BIRC6: variants seen among roughly 807,000 people sequenced by gnomAD.
BIRC6 encodes the protein baculoviral IAP repeat containing 6, also known as dual E2 ubiquitin-conjugating enzyme/E3 ubiquitin-protein ligase BIRC6.
BIRC6 carries 98 observed loss-of-function variants against 503.3 expected under a neutral mutation model. The observed-to-expected ratio is 0.19, with a 90% confidence interval of 0.17 to 0.23. BIRC6 has a LOEUF of 0.23. BIRC6 is among the 10% of genes least tolerant of loss of function. The pLI, the probability that BIRC6 is intolerant of heterozygous loss-of-function variation, is 1.00. For synonymous variants in BIRC6, 2,240 were observed against 2,078.7 expected (o/e 1.08, Z -2.11); for missense variants, 5,360 against 5,806.0 (o/e 0.92, Z 2.50).
Position 32,515,262 on chromosome 2 carries a change from C to G in BIRC6, c.10841C>G (p.Ala3614Gly). 2 of 1,613,874 alleles carry G rather than the reference C, an allele frequency of 1.2e-6. No homozygotes were observed. Among genetic ancestry groups the G allele is most frequent in the South Asian group, 2.2e-5 (2 of 91,084 alleles). ...ACTGAATCACATTTGGCTACCCTTG[C>G]TTCCTCTTCTCAATCTCCTGAAGCT... ...ALTESHLATL[A>G]SSSQSPEAIK... Residue 3614 changes from alanine (A) to glycine (G), a missense_variant, in exon 55 of 74, where the codon GCT (alanine) becomes GGT (glycine). Ala to Gly is a moderately conservative substitution (Grantham distance 60). This residue lies in a region of BIRC6 where 878 missense variants were observed against 928.9 expected (regional missense o/e 0.95). Transcript: ENST00000421745.
chr2:32,608,132 C>T (rs1317801287), intron 72 of BIRC6, among the ~76,000 whole-genome samples: 1 of 148,852 alleles, frequency 6.7e-6, no homozygotes, highest in Non-Finnish European at 1.5e-5. Context: ...CCCATCTCTG[C>T]AAAAAGTTTA....
rs1268113261 is a variant in BIRC6, at chr2:32,547,865, T to G, written c.12826T>G (p.Ser4276Ala). 2 of 1,576,462 alleles carry G rather than the reference T, an allele frequency of 1.3e-6. No individual in the cohort carries two copies. The highest frequency in any genetic ancestry group is 4.5e-5 in the East Asian group (2 of 44,012). Residue 4276 changes from serine (S) to alanine (A), a missense_variant, in exon 64 of 74, where the codon TCT becomes GCT. Ser to Ala is a moderately conservative substitution (Grantham distance 99). Coordinates refer to ENST00000421745, the MANE Select transcript of BIRC6 (RefSeq NM_016252.4). ...TTATTTTAAGCCACAGGTGTCAAGC[T>G]CTCATAACCCTACATCAACAGAAGA... Reference protein sequence around the residue: ...VNQTEPQVSSSHNPTSTEEQQ... With the variant: ...VNQTEPQVSSAHNPTSTEEQQ...
At chr2:32,579,667 C>T (rs897859320) in intron 66 of BIRC6, among the ~76,000 whole-genome samples, 17 of 151,550 alleles carry the variant, frequency 1.1e-4, no homozygotes, top group Admixed American at 7.9e-4. Flanking sequence ...CTATCCTGGG[C>T]GACAGAGTGA....
chr2:32,489,618 C>T (rs1334653017), intron 42 of BIRC6, among the ~76,000 whole-genome samples: 23 of 152,086 alleles, frequency 1.5e-4, no homozygotes, highest in Non-Finnish European at 3.4e-4. Context: ...TTTAGACCAG[C>T]CTGGCCAACA....
intron 9 of BIRC6, among the ~76,000 whole-genome samples, chr2:32,413,808 G>T (rs2042146210): frequency 6.6e-6 from 1 of 151,928 alleles, no homozygotes; most frequent in Admixed American, 6.6e-5. Context: ...GTATAAAATG[G>T]TATAGTTTTG....
chr2:32,568,343 A>G (rs950496175), intron 65 of BIRC6, among the ~76,000 whole-genome samples: 7 of 151,456 alleles, frequency 4.6e-5, no homozygotes, highest in African/African-American at 1.7e-4. Context: ...AATAGAAAAA[A>G]TTAACTGGAC....
At chr2:32,591,164 C>T (rs1023521397) in intron 66 of BIRC6, among the ~76,000 whole-genome samples, 11 of 151,930 alleles carry the variant, frequency 7.2e-5, no homozygotes, top group Admixed American at 1.3e-4. Flanking sequence ...TTCTTTTTTT[C>T]GGTGTGTTTT....
intron 71 of BIRC6, among the ~76,000 whole-genome samples, chr2:32,605,950 G>A (rs1021265866): frequency 2.0e-5 from 3 of 152,218 alleles, no homozygotes. Flanking sequence ...CTTGGCATCA[G>A]TATGGTCACT....
Position 32,415,656 on chromosome 2 carries a change from G to C in BIRC6, c.2365G>C (p.Ala789Pro), listed in dbSNP as rs1436663099. Reference protein sequence around the residue: ...RRKGELESNLAVVNGANISVI... With the variant: ...RRKGELESNLPVVNGANISVI... ...GAAAGGTGAGCTGGAATCAAATCTT[G>C]CTGTAGTGAATGGTGCAAATATTAG... The change falls in exon 10 of 74, where the codon GCT (alanine) becomes CCT (proline). Residue 789 changes from alanine to proline, a missense_variant. By Grantham distance (27) the Ala-to-Pro change is conservative. This residue lies in a region of BIRC6 where 700 missense variants were observed against 739.3 expected (regional missense o/e 0.95). Transcript: ENST00000421745. The C allele has an allele frequency of 6.2e-7, 1 of 1,613,968 alleles. No homozygotes were observed.
Position 32,470,217 on chromosome 2 carries a change from G to A in BIRC6, c.6397G>A (p.Gly2133Arg). 6.4e-7 allele frequency: 1 copy of A among 1,572,570 alleles called. No homozygotes were observed. The change falls in exon 31 of 74, where the codon GGA becomes AGA. Residue 2133 changes from glycine (G) to arginine (R), a missense_variant. Coordinates refer to ENST00000421745, the MANE Select transcript of BIRC6 (RefSeq NM_016252.4). ...CIGQRSLSNS[G>R]VLESLLNLLD... The stretch of plus-strand genomic sequence containing the variant: ...TGGTCAAAGATCACTTAGTAATAGT[G>A]GAGTATTAGAAAGCTTACTTAATCT...
chr2:32,477,499 T>C lies in BIRC6; in HGVS notation c.6984T>C (p.Cys2328=). ...CATTTACTCTGGCCCATGAGCGTTG[T>C]ATCTCAGTAGTCCAGAAACTTGTTC... The part of the protein sequence containing the change: ...PLPFTLAHER[C]ISVVQKLVLF... The change falls in exon 35 of 74, where the codon TGT becomes TGC. Residue 2328 remains cysteine, a synonymous_variant. Transcript: ENST00000421745. 2 of 1,613,994 alleles carry C rather than the reference T, an allele frequency of 1.2e-6. No homozygotes were observed. Among genetic ancestry groups the C allele is most frequent in the Non-Finnish European group, 1.7e-6 (2 of 1,179,872 alleles).
At chr2:32,358,014 G>C (rs1298934239) in intron 1 of BIRC6, among the ~76,000 whole-genome samples, 1 of 126,124 alleles carries the variant, frequency 7.9e-6, no homozygotes, top group Non-Finnish European at 1.7e-5. Context: ...ACCGCGGGCT[G>C]TGCGCCCAGC....
intron 64 of BIRC6, among the ~76,000 whole-genome samples, chr2:32,548,277 C>T (rs1180475649): frequency 6.7e-6 from 1 of 148,332 alleles, no homozygotes; most frequent in Non-Finnish European, 1.5e-5. Context: ...GATGCATCTT[C>T]CTACAGGCAT....
intron 65 of BIRC6, among the ~76,000 whole-genome samples, chr2:32,566,608 C>T (rs912251381): frequency 5.9e-5 from 9 of 152,172 alleles, no homozygotes; most frequent in African/African-American, 2.2e-4. Flanking sequence ...TCTGCCCCAG[C>T]CTTCCAAATC....
chr2:32,432,007 A>G (rs954553336), intron 12 of BIRC6, among the ~76,000 whole-genome samples: 17 of 152,240 alleles, frequency 1.1e-4, no homozygotes, highest in African/African-American at 4.1e-4. Flanking sequence ...CTTCCATGAT[A>G]ATAGCAATAC....
chr2:32,525,799 A>G (rs928168725), intron 59 of BIRC6, among the ~76,000 whole-genome samples, 171 bp downstream of exon 59: 8 of 152,206 alleles, frequency 5.3e-5, no homozygotes, highest in Non-Finnish European at 1.0e-4. Context: ...GCAAAGGAGG[A>G]GTAATCTATT....
chr2:32,484,563 A>AAAG (rs1553459119), intron 39 of BIRC6, among the ~76,000 whole-genome samples: 2 of 150,842 alleles, frequency 1.3e-5, no homozygotes, highest in South Asian at 2.1e-4. Flanking sequence ...AAAAAAAAAA[A>AAAG]AAAGAAAGAA....
At chr2:32,558,729 C>T (rs1473360770) in intron 65 of BIRC6, 1 of 152,176 alleles carries the variant, frequency 6.6e-6, no homozygotes. Context: ...AACCTTTTCT[C>T]TTCACGGAGG....
chr2:32,501,121 A>T (rs923182466), intron 46 of BIRC6, among the ~76,000 whole-genome samples: 6 of 152,216 alleles, frequency 3.9e-5, no homozygotes, highest in African/African-American at 1.2e-4. Context: ...TTGGAATGTT[A>T]ATACATTACA....
Sources: gnomAD v4.1 joint callset for allele counts (sites outside exome capture counted in the v4.1 genomes callset) on GRCh38, gnomAD v4.1.1 for gene constraint, gnomAD v4.1.1 regional missense constraint, MANE v1.5 for transcripts, NCBI Gene and HGNC (gene_info 2026-07-23, HGNC 2026-07-21) for gene names.